Variants in CACNB2 observed in about 807,000 individuals in gnomAD.
The protein encoded by CACNB2 is voltage-dependent L-type calcium channel subunit beta-2.
In CACNB2, 42 loss-of-function variants were observed where a neutral mutation model predicts 73.3. The observed-to-expected ratio is 0.57, with a 90% CI of 0.45 to 0.74. CACNB2 has a LOEUF of 0.74. CACNB2 is among the 30% of genes least tolerant of loss of function. The pLI, the probability that CACNB2 is intolerant of heterozygous loss-of-function variation, is 0.00. For synonymous variants in CACNB2, 348 were observed against 310.3 expected, an observed-to-expected ratio of 1.12 and a Z score of -1.28; for missense variants, 940 against 853.0, an observed-to-expected ratio of 1.10 and a Z score of -1.27.
At chr10:18,460,714 A>C (rs551185062) in intron 3 of CACNB2, among the ~76,000 whole-genome samples, 73 of 152,052 alleles carry the variant, frequency 4.8e-4, no homozygotes, top group Non-Finnish European at 9.7e-4. Context: ...AATGTAGTGA[A>C]ACCCCATCTC....
chr10:18,220,693 G>A (rs2035757593), intron 2 of CACNB2, among the ~76,000 whole-genome samples: 1 of 152,172 alleles, frequency 6.6e-6, no homozygotes, highest in African/African-American at 2.4e-5. Context: ...AAGCATTGCA[G>A]CCTGAGCTCC....
chr10:18,289,281 C>CTTTTTTTT (rs1564407541), intron 2 of CACNB2, among the ~76,000 whole-genome samples: 2 of 96,950 alleles, frequency 2.1e-5, no homozygotes, highest in African/African-American at 1.1e-4. Flanking sequence ...ATTTTTTTTT[C>CTTTTTTTT]TTGTTTTTTT....
intron 11 of CACNB2, 71 bp downstream of exon 11, chr10:18,534,298 T>C (rs1589742425): frequency 7.6e-7 from 1 of 1,317,448 alleles, no homozygotes; most frequent in East Asian, 2.3e-5. Context: ...CTGCTTTCTA[T>C]AATTAGGCTA....
chr10:18,523,700 G>C (rs991137706), intron 9 of CACNB2, among the ~76,000 whole-genome samples: 2 of 152,164 alleles, frequency 1.3e-5, no homozygotes, highest in African/African-American at 4.8e-5. Flanking sequence ...ATTATTGACT[G>C]TCTTTGCTTT....
intron 3 of CACNB2, among the ~76,000 whole-genome samples, chr10:18,482,659 C>T (rs960543592): frequency 2.0e-5 from 3 of 151,986 alleles, no homozygotes; most frequent in Non-Finnish European, 2.9e-5. Context: ...TACTGGTGCC[C>T]GCCACCATGC....
intron 2 of CACNB2, among the ~76,000 whole-genome samples, chr10:18,271,672 C>A (rs1030808290): frequency 2.0e-5 from 3 of 152,106 alleles, no homozygotes; most frequent in South Asian, 2.1e-4. Flanking sequence ...TCTGAAGCAG[C>A]CTTTTGTGTT....
intron 2 of CACNB2, among the ~76,000 whole-genome samples, chr10:18,199,911 T>C (rs1588683421): frequency 6.7e-6 from 1 of 150,356 alleles, no homozygotes; most frequent in Non-Finnish European, 1.5e-5. Context: ...AGAAGCAACC[T>C]GTAGAGTTTG....
intron 2 of CACNB2, among the ~76,000 whole-genome samples, chr10:18,153,217 G>T (rs916584202): frequency 2.0e-4 from 24 of 121,816 alleles, no homozygotes; most frequent in Non-Finnish European, 7.6e-5. Flanking sequence ...ATCCCAAAGG[G>T]TAAATATACA....
chr10:18,338,924 G>C lies in CACNB2; in HGVS notation c.214-63000G>C, dbSNP rs117983502. ...TAGCTAATTTTTAAATTTTTTTGCA[G>C]AGACGGGGTCTTCCTTTGTTGCCCA... On this transcript the variant is annotated intron_variant, in intron 2 of 13. Transcript: ENST00000324631. Among the ~76,000 whole-genome samples the C allele has an allele frequency of 3.6e-3, 543 of 151,698 alleles. 4 individuals carry two copies. Among genetic ancestry groups the C allele is most frequent in the Non-Finnish European group, 5.3e-3 (361 of 67,902 alleles).
At chr10:18,412,609 A>C (rs922194818) in intron 3 of CACNB2, among the ~76,000 whole-genome samples, 1 of 152,116 alleles carries the variant, frequency 6.6e-6, no homozygotes, top group Non-Finnish European at 1.5e-5. Context: ...GCAAACTTCA[A>C]TTTGTTTTTC....
chr10:18,430,584 T>TGC (rs1277309857), intron 3 of CACNB2, among the ~76,000 whole-genome samples: 3 of 152,076 alleles, frequency 2.0e-5, no homozygotes, highest in Non-Finnish European at 4.4e-5. Context: ...GAGCCGTGAT[T>TGC]GCGCCACTGC....
chr10:18,481,330 T>A (rs1161624681), intron 3 of CACNB2, among the ~76,000 whole-genome samples: 1 of 136,016 alleles, frequency 7.4e-6, no homozygotes, highest in Non-Finnish European at 1.5e-5. Context: ...CACTGCAACC[T>A]CTGCCTCCTG....
chr10:18,370,387 T>A (rs2042528924), intron 2 of CACNB2, among the ~76,000 whole-genome samples: 1 of 152,178 alleles, frequency 6.6e-6, no homozygotes, highest in Non-Finnish European at 1.5e-5. Flanking sequence ...AGCTTCCGCC[T>A]CCTGGATTCA....
chr10:18,235,050 G>C (rs1194149633), intron 2 of CACNB2, among the ~76,000 whole-genome samples: 1 of 152,020 alleles, frequency 6.6e-6, no homozygotes, highest in East Asian at 1.9e-4. Flanking sequence ...GGCTGAGGCA[G>C]GAGAATGGCA....
At position 18,150,863 on chromosome 10, in the gene CACNB2, T is replaced by TC; in HGVS notation, c.121-20_121-19insC. On this transcript the variant is annotated intron_variant, in intron 1 of 13. Transcript: ENST00000324631. ...ATAATAATCTTATTTGTCTTTTTTT[T>TC]TTTTTTTTTTTTTTTTTAGTCATAT... The TC allele has an allele frequency of 9.9e-7, 1 of 1,009,658 alleles. No individual in the cohort carries two copies. The highest frequency in any genetic ancestry group is 1.8e-5 in the South Asian group (1 of 56,332). The allele number at this position is 1,009,658 out of a possible 1,614,324, so 62.5% of individuals were successfully genotyped here.
intron 2 of CACNB2, among the ~76,000 whole-genome samples, chr10:18,161,311 G>C (rs1413192537): frequency 6.6e-6 from 1 of 152,106 alleles, no homozygotes; most frequent in African/African-American, 2.4e-5. Flanking sequence ...TATATCCTTA[G>C]TATCTGTAGA....
intron 2 of CACNB2, among the ~76,000 whole-genome samples, chr10:18,380,612 G>C (rs1171989173): frequency 6.6e-6 from 1 of 151,452 alleles, no homozygotes; most frequent in African/African-American, 2.4e-5. Context: ...GTGCCACCAC[G>C]CCCAGCTAAT....
At chr10:18,480,877 T>C (rs142011366) in intron 3 of CACNB2, among the ~76,000 whole-genome samples, 1 of 152,256 alleles carries the variant, frequency 6.6e-6, no homozygotes, top group African/African-American at 2.4e-5. Flanking sequence ...CATAAACATC[T>C]TTTGGTCAAT....
At chr10:18,525,660 A>G (rs543536260) in intron 9 of CACNB2, among the ~76,000 whole-genome samples, 1 of 152,190 alleles carries the variant, frequency 6.6e-6, no homozygotes, top group East Asian at 1.9e-4. Flanking sequence ...AATTCAGAAA[A>G]TCAGATCCTT....
Sources: gnomAD v4.1 joint callset for allele counts (sites outside exome capture counted in the v4.1 genomes callset) on GRCh38, gnomAD v4.1.1 for gene constraint, MANE v1.5 for transcripts, NCBI Gene and HGNC (gene_info 2026-07-23, HGNC 2026-07-21) for gene names.